CNTN3: variants seen among roughly 807,000 people sequenced by gnomAD.
The protein encoded by CNTN3 is contactin 3.
In CNTN3, 60 loss-of-function variants were observed where a neutral mutation model predicts 119.1. The observed-to-expected ratio is 0.50, with a 90% CI of 0.41 to 0.62. CNTN3 has a LOEUF of 0.62. Among genes scored for constraint, CNTN3 ranks in the 20% least tolerant of loss-of-function variants. The pLI is 0.00. For synonymous variants in CNTN3, 450 were observed against 438.7 expected, an observed-to-expected ratio of 1.03 and a Z score of -0.32; for missense variants, 1,101 against 1,242.4, an observed-to-expected ratio of 0.89 and a Z score of 1.71.
At chr3:74,405,020 G>A (rs930861847) in intron 5 of CNTN3, among the ~76,000 whole-genome samples, 1 of 151,934 alleles carries the variant, frequency 6.6e-6, no homozygotes, top group Admixed American at 6.6e-5. Context: ...GAAAAAGTCA[G>A]TATTTAGGCA....
chr3:74,454,029 G>T (rs1176541643), intron 4 of CNTN3, among the ~76,000 whole-genome samples: 3 of 145,038 alleles, frequency 2.1e-5, no homozygotes, highest in Non-Finnish European at 4.6e-5. Flanking sequence ...TATTAGGTCC[G>T]CTTGGTGCAG....
At chr3:74,599,839 T>C (rs1704879416) in intron 1 of CNTN3, among the ~76,000 whole-genome samples, 2 of 152,138 alleles carry the variant, frequency 1.3e-5, no homozygotes, top group Middle Eastern at 6.8e-3. Context: ...GATTTCTCAA[T>C]AGCAATAAGG....
intron 1 of CNTN3, among the ~76,000 whole-genome samples, chr3:74,547,242 T>A (rs896469379): frequency 1.3e-5 from 2 of 152,220 alleles, no homozygotes; most frequent in Non-Finnish European, 2.9e-5. Context: ...CTATTCTTAA[T>A]AACACCTGAT....
intron 11 of CNTN3, among the ~76,000 whole-genome samples, chr3:74,338,408 A>G (rs893037213): frequency 1.3e-5 from 2 of 151,976 alleles, no homozygotes; most frequent in Admixed American, 6.6e-5. Context: ...ATATATATAC[A>G]TATGTGTATA....
At chr3:74,312,000 A>T (rs1702695324) in intron 13 of CNTN3, among the ~76,000 whole-genome samples, 2 of 152,170 alleles carry the variant, frequency 1.3e-5, no homozygotes, top group Admixed American at 1.3e-4. Context: ...CGAAGAGCCA[A>T]TCATAGGGGG....
intron 11 of CNTN3, among the ~76,000 whole-genome samples, chr3:74,337,990 A>T (rs1221483026): frequency 6.6e-6 from 1 of 152,028 alleles, no homozygotes; most frequent in African/African-American, 2.4e-5. Flanking sequence ...TTATTGCTCT[A>T]ATTTGTCTAC....
chr3:74,275,787 A>G (rs1701867275), intron 20 of CNTN3, among the ~76,000 whole-genome samples: 1 of 152,124 alleles, frequency 6.6e-6, no homozygotes, highest in Non-Finnish European at 1.5e-5. Context: ...GGTACCTCAC[A>G]CCTCAATACT....
At chr3:74,534,840 CA>C (rs936120487) in intron 1 of CNTN3, among the ~76,000 whole-genome samples, 1 of 151,760 alleles carries the variant, frequency 6.6e-6, no homozygotes, top group African/African-American at 2.4e-5. Context: ...ACCATAATGG[CA>C]AAAACAACAG....
chr3:74,577,149 A>G (rs1430040194), intron 1 of CNTN3, among the ~76,000 whole-genome samples: 2 of 152,176 alleles, frequency 1.3e-5, no homozygotes, highest in Non-Finnish European at 2.9e-5. Flanking sequence ...ATCACGACCT[A>G]AATTTAGGAA....
intron 5 of CNTN3, among the ~76,000 whole-genome samples, chr3:74,396,670 C>T (rs149660484): frequency 0.027 from 3,945 of 144,912 alleles, 183 homozygotes; most frequent in African/African-American, 0.094. Flanking sequence ...GGCGAGAACC[C>T]GGGAGGCGGA....
At chr3:74,425,603 C>A (rs1701683631) in intron 4 of CNTN3, among the ~76,000 whole-genome samples, 2 of 152,060 alleles carry the variant, frequency 1.3e-5, no homozygotes, top group African/African-American at 4.8e-5. Flanking sequence ...AATGAAATAT[C>A]CTAAATCAAA....
intron 19 of CNTN3, among the ~76,000 whole-genome samples, chr3:74,293,678 T>A (rs1702279435): frequency 6.6e-6 from 1 of 152,066 alleles, no homozygotes; most frequent in Non-Finnish European, 1.5e-5. Context: ...TCTCACTAAG[T>A]TGCCCAGGCC....
At chr3:74,324,739 TA>T (rs1423426247) in intron 13 of CNTN3, among the ~76,000 whole-genome samples, 1 of 151,948 alleles carries the variant, frequency 6.6e-6, no homozygotes, top group Non-Finnish European at 1.5e-5. Flanking sequence ...CCAAGAAAAC[TA>T]ATGAAAATTC....
intron 5 of CNTN3, among the ~76,000 whole-genome samples, chr3:74,380,463 C>A (rs566709482): frequency 2.0e-5 from 3 of 152,284 alleles, no homozygotes; most frequent in African/African-American, 7.2e-5. Flanking sequence ...CAGTTCAGTC[C>A]TGGAGAAGAT....
chr3:74,379,794 G>T (rs533309773), intron 5 of CNTN3, among the ~76,000 whole-genome samples: 4 of 152,244 alleles, frequency 2.6e-5, no homozygotes, highest in South Asian at 4.1e-4. Context: ...GGCTTGGGGG[G>T]ACTGAAGAGG....
chr3:74,264,201 G>A lies in CNTN3; in HGVS notation c.*200C>T. 1 of 384,130 alleles carries A rather than the reference G, an allele frequency of 2.6e-6. No homozygotes were observed. Among genetic ancestry groups the A allele is most frequent in the Non-Finnish European group, 4.6e-6 (1 of 215,436 alleles). 23.8% of individuals were successfully genotyped at this position (384,130 alleles called of 1,614,324 possible). A position where few individuals can be genotyped will look rare whatever the true frequency, so the allele number is the denominator to read the frequency against. ...AGTATGTAATATGTAAATTCCTTTG[G>A]TTTATCAAGTTAATATTAAGGCATT... On this transcript the variant is annotated 3_prime_UTR_variant, in exon 23 of 23. Coordinates refer to ENST00000263665, the MANE Select transcript of CNTN3 (RefSeq NM_020872.3).
Position 74,285,792 on chromosome 3 carries a change from T to TATAG in CNTN3, c.2518-302_2518-301insCTAT, listed in dbSNP as rs1702100827. ...TATAAGTGGGAGAATGAAGGGGAGA[T>TATAG]ATATATATATATATATATATATATA... is the stretch of plus-strand genomic sequence containing the variant. On this transcript the variant is annotated intron_variant, in intron 19 of 22. Coordinates refer to ENST00000263665, the MANE Select transcript of CNTN3 (RefSeq NM_020872.3). Among the ~76,000 whole-genome samples, 6 of 23,718 alleles carry TATAG rather than the reference T, an allele frequency of 2.5e-4. 1 individual carries two copies. Among genetic ancestry groups the TATAG allele is most frequent in the Admixed American group, 2.2e-3 (6 of 2,696 alleles). The allele number at this position is 23,718 out of a possible 152,430, so 15.6% of individuals were successfully genotyped here.
At chr3:74,578,977 G>C (rs1030421894) in intron 1 of CNTN3, among the ~76,000 whole-genome samples, 14 of 151,692 alleles carry the variant, frequency 9.2e-5, no homozygotes, top group South Asian at 6.3e-4. Flanking sequence ...AGACTATCAG[G>C]GTGAAAACAA....
chr3:74,316,149 C>T (rs887574732), intron 13 of CNTN3, among the ~76,000 whole-genome samples: 2 of 152,038 alleles, frequency 1.3e-5, no homozygotes, highest in African/African-American at 4.8e-5. Context: ...CAATCAAAAA[C>T]ATAACCCTGA....
Sources: allele counts gnomAD v4.1 joint callset (sites outside exome capture counted in the v4.1 genomes callset), GRCh38; gene constraint gnomAD v4.1.1; transcripts MANE v1.5; gene names NCBI Gene and HGNC (gene_info 2026-07-23, HGNC 2026-07-21).